Variants in WDR19 observed in about 807,000 individuals in gnomAD.
WDR19 encodes the protein WD repeat domain 19.
Under a neutral mutation model 180.0 loss-of-function variants are expected in WDR19, and 121 were observed. The ratio of observed to expected loss-of-function variants is 0.67; its 90% confidence interval spans 0.58 to 0.78. WDR19 has a LOEUF of 0.78. WDR19 is among the 30% of genes least tolerant of loss of function. The pLI is 0.00. For synonymous variants in WDR19, 497 were observed against 540.7 expected, an observed-to-expected ratio of 0.92 and a Z score of 1.12; for missense variants, 1,450 against 1,640.7, an observed-to-expected ratio of 0.88 and a Z score of 2.01.
In WDR19 at chr4:39,253,874, A is replaced by G. The variant is rs146625025; in HGVS notation, c.2877-32A>G. 7.7e-5 allele frequency: 118 copies of G among 1,533,056 alleles called. No individual in the cohort carries two copies. The African/African-American group carries it at 1.5e-3, about 20-fold the overall frequency. The allele number at this position is 1,533,056 out of a possible 1,614,324, so 95.0% of individuals were successfully genotyped here. On this transcript the variant is annotated intron_variant, in intron 25 of 36. Transcript: ENST00000399820. ...TTTTGTAAATCACAAATTTATATTA[A>G]GAGTCTAGCTAATTAAAGTACTTTG...
At chr4:39,230,244 T>C (rs191870654) in intron 17 of WDR19, among the ~76,000 whole-genome samples, 18 of 152,322 alleles carry the variant, frequency 1.2e-4, no homozygotes, top group Admixed American at 1.2e-3. Context: ...TGAAATTGCA[T>C]ATATTTCATG....
chr4:39,199,546 G>A lies in WDR19; in HGVS notation c.475G>A (p.Asp159Asn), dbSNP rs1451698951. Residue 159 changes from aspartate (D) to asparagine (N), a missense_variant, in exon 6 of 37, where the codon GAT becomes AAT. By Grantham distance (23) the Asp-to-Asn change is conservative. Coordinates refer to ENST00000399820, the MANE Select transcript of WDR19 (RefSeq NM_025132.4). Reference sequence around the variant, plus strand: ...AAATCTGCTTGCTTTAGGTGGTGAAGATAAAATGATTACAGTTAGTAATCA... The same window carrying A: ...AAATCTGCTTGCTTTAGGTGGTGAAAATAAAATGATTACAGTTAGTAATCA... ...AENLLALGGE[D>N]KMITVSNQEG... 28 of 1,613,424 alleles carry A rather than the reference G, an allele frequency of 1.7e-5. No homozygotes were observed. Among genetic ancestry groups the A allele is most frequent in the Non-Finnish European group, 2.4e-5 (28 of 1,179,688 alleles).
At position 39,277,126 on chromosome 4, in the gene WDR19, C is replaced by A; in HGVS notation, c.3823C>A (p.Pro1275Thr). 1 of 1,610,482 alleles carries A rather than the reference C, an allele frequency of 6.2e-7. No individual in the cohort carries two copies. The highest frequency in any genetic ancestry group is 2.2e-5 in the East Asian group (1 of 44,796). ...CTGTCCTGGATGTAAAAACAGTATC[C>A]CATATTGCATTGCAACAGTGAGTTC... ...LLCPGCKNSI[P>T]YCIATGRHML... The change falls in exon 34 of 37, where the codon CCA becomes ACA. Residue 1275 changes from proline to threonine, a missense_variant. Pro to Thr is a conservative substitution (Grantham distance 38). Coordinates refer to ENST00000399820, the MANE Select transcript of WDR19 (RefSeq NM_025132.4).
At chr4:39,264,332 C>CT (rs796734377) in intron 28 of WDR19, among the ~76,000 whole-genome samples, 16 of 152,314 alleles carry the variant, frequency 1.1e-4, no homozygotes, top group African/African-American at 3.9e-4. Flanking sequence ...AGAACAAGCT[C>CT]TCATTTATGT....
At chr4:39,214,742 C>T (rs1172041664) in intron 10 of WDR19, 71 bp downstream of exon 10, 10 of 941,928 alleles carry the variant, frequency 1.1e-5, no homozygotes, top group East Asian at 1.0e-4. Context: ...TGTTTGTTAT[C>T]GTGTGATTTG....
At position 39,235,792 on chromosome 4, in the gene WDR19, A is replaced by G. The variant is rs201804284; in HGVS notation, c.2363+917A>G. On this transcript the variant is annotated intron_variant, in intron 20 of 36. Transcript: ENST00000399820. ...GGAACTCAAACAACTCAACAAGAAA[A>G]AAAAAATAACCTATTAAAAACTGGG... Among the ~76,000 whole-genome samples, 10 of 152,282 alleles carry G rather than the reference A, an allele frequency of 6.6e-5. No individual in the cohort carries two copies. The East Asian group carries it at 1.9e-3, about 29-fold the overall frequency.
chr4:39,226,668 G>A (rs1356324527), intron 15 of WDR19, among the ~76,000 whole-genome samples: 3 of 152,064 alleles, frequency 2.0e-5, no homozygotes, highest in East Asian at 1.9e-4. Flanking sequence ...TCTGTAAAAC[G>A]GGAATAATAA....
At position 39,284,331 on chromosome 4, in the gene WDR19, A is replaced by ATTT. The variant is rs143848496; in HGVS notation, c.*14-1133_*14-1131dup. On this transcript the variant is annotated intron_variant, in intron 36 of 36. Transcript: ENST00000399820. ...CCTTTCTTCTAAGTAAGTAAAAAAA[A>ATTT]TTTTTTTTTTTTTTTTTTTTTTTTT... 4.4e-3 allele frequency among the ~76,000 whole-genome samples: 402 copies of ATTT among 91,484 alleles called. 3 individuals are homozygous for ATTT. The highest frequency in any genetic ancestry group is 0.016 in the Middle Eastern group (2 of 126). 60.0% of individuals were successfully genotyped at this position (91,484 alleles called of 152,430 possible). A position where few individuals can be genotyped will look rare whatever the true frequency, so the allele number is the denominator to read the frequency against.
At chr4:39,235,350 G>A (rs538290462) in intron 20 of WDR19, among the ~76,000 whole-genome samples, 6 of 152,018 alleles carry the variant, frequency 3.9e-5, no homozygotes, top group Non-Finnish European at 7.4e-5. Flanking sequence ...TGACCAGGCT[G>A]GTCTCCTGGG....
intron 32 of WDR19, 67 bp from the exon 33 acceptor site, chr4:39,274,741 A>T: frequency 6.4e-7 from 1 of 1,564,828 alleles, no homozygotes; most frequent in Non-Finnish European, 8.7e-7. Context: ...ACCAGGGTGG[A>T]ATCCCGCCTG....
At chr4:39,183,212 A>G (rs1288496427) in intron 1 of WDR19, among the ~76,000 whole-genome samples, 1 of 139,368 alleles carries the variant, frequency 7.2e-6, no homozygotes, top group African/African-American at 2.7e-5. Flanking sequence ...TTATCAGAGC[A>G]GTCCCCCCTT....
intron 26 of WDR19, among the ~76,000 whole-genome samples, chr4:39,254,724 T>C (rs62308319): frequency 7.4e-4 from 112 of 152,296 alleles, no homozygotes; most frequent in Admixed American, 2.0e-3. Context: ...ACTGTCCATC[T>C]CTAGAACTTT....
At chr4:39,221,173 T>C (rs577344531) in intron 14 of WDR19, among the ~76,000 whole-genome samples, 12 of 152,268 alleles carry the variant, frequency 7.9e-5, no homozygotes, top group African/African-American at 1.7e-4. Flanking sequence ...TTTGGTGATA[T>C]GGAAAAATAT....
intron 15 of WDR19, among the ~76,000 whole-genome samples, chr4:39,225,304 T>C (rs1164465034): frequency 6.6e-6 from 1 of 152,220 alleles, no homozygotes; most frequent in Admixed American, 6.5e-5. Flanking sequence ...AAACTTATCA[T>C]ATACTTACTG....
chr4:39,188,956 C>A (rs1226402344), intron 3 of WDR19, among the ~76,000 whole-genome samples: 1 of 151,758 alleles, frequency 6.6e-6, no homozygotes, highest in Non-Finnish European at 1.5e-5. Flanking sequence ...GGGACCTTGC[C>A]ATGTTGCTCA....
At chr4:39,198,284 A>C (rs972365600) in intron 5 of WDR19, among the ~76,000 whole-genome samples, 4 of 151,692 alleles carry the variant, frequency 2.6e-5, no homozygotes, top group African/African-American at 7.3e-5. Context: ...AACGGCCGGG[A>C]GTGGTGGCTC....
At chr4:39,204,313 G>C (rs972534267) in intron 7 of WDR19, among the ~76,000 whole-genome samples, 1 of 152,020 alleles carries the variant, frequency 6.6e-6, no homozygotes, top group Admixed American at 6.6e-5. Flanking sequence ...TCAAACTCCC[G>C]ATCTCAGGTG....
intron 36 of WDR19, among the ~76,000 whole-genome samples, chr4:39,279,954 C>T (rs1469519144): frequency 6.6e-6 from 1 of 152,048 alleles, no homozygotes; most frequent in Non-Finnish European, 1.5e-5. Flanking sequence ...TCGCCGGCCT[C>T]AGCCTCCCAA....
intron 28 of WDR19, among the ~76,000 whole-genome samples, chr4:39,257,789 A>T (rs1003496956): frequency 2.0e-5 from 3 of 151,586 alleles, no homozygotes; most frequent in Non-Finnish European, 4.4e-5. Flanking sequence ...TCACTTGTGG[A>T]TACAATATCA....
Sources: allele counts gnomAD v4.1 joint callset (sites outside exome capture counted in the v4.1 genomes callset), GRCh38; gene constraint gnomAD v4.1.1; transcripts MANE v1.5; gene names NCBI Gene and HGNC (gene_info 2026-07-23, HGNC 2026-07-21).